The following LRP1B variants were observed in gnomAD, a reference collection of about 807,000 sequenced individuals.
The protein encoded by LRP1B is low-density lipoprotein receptor-related protein 1B.
In LRP1B, 217 loss-of-function variants were observed where a neutral mutation model predicts 556.6. The observed-to-expected ratio is 0.39, with a 90% CI of 0.35 to 0.44. The LOEUF is 0.44. Among genes scored for constraint, LRP1B ranks in the 20% least tolerant of loss-of-function variants. The pLI, the probability that LRP1B is intolerant of heterozygous loss-of-function variation, is 1.00. For missense variants in LRP1B, 5,053 were observed against 5,620.8 expected, an observed-to-expected ratio of 0.90 and a Z score of 3.23; for synonymous variants, 2,047 against 1,865.8, an observed-to-expected ratio of 1.10 and a Z score of -2.50.
chr2:140,570,725 G>A (rs1681292064), intron 43 of LRP1B, among the ~76,000 whole-genome samples: 1 of 151,502 alleles, frequency 6.6e-6, no homozygotes, highest in Non-Finnish European at 1.5e-5. Context: ...AAAAAAGAAA[G>A]TATAGACCCA....
At chr2:140,359,487 G>C (rs1682406099) in intron 72 of LRP1B, among the ~76,000 whole-genome samples, 1 of 151,598 alleles carries the variant, frequency 6.6e-6, no homozygotes, top group Admixed American at 6.6e-5. Context: ...TAAAGTACAT[G>C]TTTTTGTGTG....
chr2:141,654,493 AG>A (rs1689927222), intron 2 of LRP1B, among the ~76,000 whole-genome samples: 1 of 152,148 alleles, frequency 6.6e-6, no homozygotes, highest in Admixed American at 6.5e-5. Flanking sequence ...GAGCAGACTC[AG>A]GGTCTGGAGG....
rs375755563 is a variant in LRP1B at position 141,199,626 on chromosome 2, CAA to C, written c.851-11045_851-11044del. On this transcript the variant is annotated intron_variant, in intron 6 of 90. Transcript: ENST00000389484. ...TTAAGTCTTGATTCTTGAAAAAAGG[CAA>C]AGACACTTATTGATTTTTATAATTT... Among the ~76,000 whole-genome samples the C allele has an allele frequency of 2.0e-3, 297 of 152,222 alleles. 2 individuals carry two copies. The highest frequency in any genetic ancestry group is 6.7e-3 in the African/African-American group (278 of 41,564).
chr2:140,464,433 T>C (rs1687457337), intron 60 of LRP1B, among the ~76,000 whole-genome samples: 1 of 152,258 alleles, frequency 6.6e-6, no homozygotes, highest in East Asian at 1.9e-4. Flanking sequence ...AAATTGCTTA[T>C]AATAGAAGGT....
At chr2:140,866,808 A>C (rs1692966297) in intron 27 of LRP1B, among the ~76,000 whole-genome samples, 1 of 152,128 alleles carries the variant, frequency 6.6e-6, no homozygotes, top group Non-Finnish European at 1.5e-5. Flanking sequence ...ACAAATTTTA[A>C]AAATAAGGCT....
chr2:141,250,848 TATC>T (rs1462689830), intron 4 of LRP1B, among the ~76,000 whole-genome samples: 1 of 152,192 alleles, frequency 6.6e-6, no homozygotes, highest in Non-Finnish European at 1.5e-5. Context: ...ACCCAATTGT[TATC>T]AGAGTGATAT....
At chr2:141,365,655 C>CTTTTTTTTTTTTTTTGGTTT (rs1334896367) in intron 3 of LRP1B, among the ~76,000 whole-genome samples, 3 of 121,150 alleles carry the variant, frequency 2.5e-5, no homozygotes, top group Non-Finnish European at 3.3e-5. Flanking sequence ...GTTTTTGTTG[C>CTTTTTTTTTTTTTTTGGTTT]TTTTTTTTTT....
chr2:141,573,854 G>C lies in LRP1B; in HGVS notation c.206-93321C>G, dbSNP rs149591936. 7.8e-3 allele frequency among the ~76,000 whole-genome samples: 1,194 copies of C among 152,226 alleles called. 7 individuals carry two copies. Among genetic ancestry groups the C allele is most frequent in the Non-Finnish European group, 0.014 (921 of 68,008 alleles). On this transcript the variant is annotated intron_variant, in intron 2 of 90. Coordinates refer to ENST00000389484, the MANE Select transcript of LRP1B (RefSeq NM_018557.3). ...AAAAATTAGAAAACCTAGAAGAAAT[G>C]GATGAATTGCTGGACAAATACACTC...
At chr2:140,274,286 T>C in intron 85 of LRP1B, 138 bp downstream of exon 85, 1 of 691,870 alleles carries the variant, frequency 1.4e-6, no homozygotes, top group South Asian at 1.9e-5. Flanking sequence ...ACTTACTCTC[T>C]AATCATAAAA....
chr2:141,483,921 C>A (rs1238904497), intron 2 of LRP1B, among the ~76,000 whole-genome samples: 1 of 150,906 alleles, frequency 6.6e-6, no homozygotes, highest in Non-Finnish European at 1.5e-5. Context: ...GTTGCCTGTT[C>A]ACTCTGATGG....
chr2:141,838,309 C>A (rs941933089), intron 1 of LRP1B, among the ~76,000 whole-genome samples: 1 of 152,086 alleles, frequency 6.6e-6, no homozygotes, highest in African/African-American at 2.4e-5. Context: ...TGACTCCTGG[C>A]CTATAGAGCC....
At chr2:140,384,515 T>C (rs1040292072) in intron 67 of LRP1B, among the ~76,000 whole-genome samples, 27 of 152,316 alleles carry the variant, frequency 1.8e-4, no homozygotes, top group Non-Finnish European at 4.4e-5. Flanking sequence ...TGTGACCTGT[T>C]AGAAGATATG....
Position 142,130,982 on chromosome 2 carries a change from C to T in LRP1B, c.-253G>A, listed in dbSNP as rs1707832762. Reference sequence around the variant, plus strand: ...GCGTGTGTGAGCGCGAGCGAGACGCCCGTGTGTCTTGACTTTTCAATGCAG... The same window carrying T: ...GCGTGTGTGAGCGCGAGCGAGACGCTCGTGTGTCTTGACTTTTCAATGCAG... On this transcript the variant is annotated 5_prime_UTR_variant, in exon 1 of 91. Coordinates refer to ENST00000389484, the MANE Select transcript of LRP1B (RefSeq NM_018557.3). 1.8e-6 allele frequency: 1 copy of T among 557,834 alleles called. No individual in the cohort carries two copies. Among genetic ancestry groups the T allele is most frequent in the Non-Finnish European group, 3.2e-6 (1 of 309,008 alleles). 34.6% of individuals were successfully genotyped at this position (557,834 alleles called of 1,614,324 possible). A position where few individuals can be genotyped will look rare whatever the true frequency, so the allele number is the denominator to read the frequency against.
intron 1 of LRP1B, among the ~76,000 whole-genome samples, chr2:141,968,310 G>T (rs1290712284): frequency 6.6e-6 from 1 of 151,808 alleles, no homozygotes; most frequent in Non-Finnish European, 1.5e-5. Flanking sequence ...ATCAGTGGTA[G>T]AAATTAACAG....
chr2:141,877,785 AT>A (rs2104886997), intron 1 of LRP1B, among the ~76,000 whole-genome samples: 1 of 152,146 alleles, frequency 6.6e-6, no homozygotes, highest in Non-Finnish European at 1.5e-5. Context: ...TGGTATTCCC[AT>A]AGAAAAATAA....
chr2:140,395,940 G>A (rs1230951589), intron 66 of LRP1B, among the ~76,000 whole-genome samples: 3 of 152,060 alleles, frequency 2.0e-5, no homozygotes, highest in Non-Finnish European at 2.9e-5. Context: ...GTGAGTGGGG[G>A]GGAAGGGGAA....
chr2:141,238,502 G>A lies in LRP1B; in HGVS notation c.592+8724C>T, dbSNP rs556599145. On this transcript the variant is annotated intron_variant, in intron 5 of 90. Transcript: ENST00000389484. The stretch of plus-strand genomic sequence containing the variant: ...ATTATCCATTCAACAAATACTTATT[G>A]AGCCTGGCTAGCTTCTGCCAGGGTC... Among the ~76,000 whole-genome samples the A allele has an allele frequency of 7.9e-5, 12 of 152,172 alleles. No homozygotes were observed. In the South Asian group the frequency reaches 2.3e-3, roughly 29 times the overall value.
chr2:141,515,398 A>G (rs1164580220), intron 2 of LRP1B, among the ~76,000 whole-genome samples: 2 of 152,180 alleles, frequency 1.3e-5, no homozygotes, highest in African/African-American at 4.8e-5. Context: ...GCAGAGTTAA[A>G]GTTTACATCC....
At chr2:141,833,344 G>C (rs1038027837) in intron 1 of LRP1B, among the ~76,000 whole-genome samples, 2 of 151,756 alleles carry the variant, frequency 1.3e-5, no homozygotes, top group Non-Finnish European at 3.0e-5. Flanking sequence ...GTCTGACTTA[G>C]AGTGTATTAT....
Sources: gnomAD v4.1 joint callset for allele counts (sites outside exome capture counted in the v4.1 genomes callset) on GRCh38, gnomAD v4.1.1 for gene constraint, MANE v1.5 for transcripts, NCBI Gene and HGNC (gene_info 2026-07-23, HGNC 2026-07-21) for gene names.